The following PCSK2 variants were observed in gnomAD, a reference collection of about 807,000 sequenced individuals.
PCSK2 encodes the protein proprotein convertase subtilisin/kexin type 2.
In PCSK2, 14 loss-of-function variants were observed where a neutral mutation model predicts 69.7. The ratio of observed to expected loss-of-function variants is 0.20; its 90% CI spans 0.13 to 0.31. The LOEUF is 0.31. Among genes scored for constraint, PCSK2 ranks in the 10% least tolerant of loss-of-function variants. The pLI, the probability that PCSK2 is intolerant of heterozygous loss-of-function variation, is 1.00. For missense variants in PCSK2, 544 were observed against 842.5 expected, an observed-to-expected ratio of 0.65 and a Z score of 4.39; for synonymous variants, 307 against 320.7, an observed-to-expected ratio of 0.96 and a Z score of 0.46.
At chr20:17,237,290 G>C (rs2122944724) in intron 1 of PCSK2, among the ~76,000 whole-genome samples, 1 of 152,298 alleles carries the variant, frequency 6.6e-6, no homozygotes, top group South Asian at 2.1e-4. Flanking sequence ...AAGTAAAAAG[G>C]AGATGAAGGT....
At chr20:17,262,477 A>G (rs1344864245) in intron 2 of PCSK2, among the ~76,000 whole-genome samples, 1 of 151,900 alleles carries the variant, frequency 6.6e-6, no homozygotes, top group Non-Finnish European at 1.5e-5. Context: ...GAAAAAAAAA[A>G]CTGCTAATGA....
chr20:17,227,347 G>C lies in PCSK2; in HGVS notation c.42G>C (p.Gly14=), dbSNP rs1252949655. 1 of 1,614,064 alleles carries C rather than the reference G, an allele frequency of 6.2e-7. No homozygotes were observed. The change falls in exon 1 of 12, where the codon GGG becomes GGC. Residue 14 remains glycine, a synonymous_variant. Coordinates refer to ENST00000262545, the MANE Select transcript of PCSK2 (RefSeq NM_002594.5). The stretch of plus-strand genomic sequence containing the variant: ...TCTCCCAGTGGAAGGCGGCCGCCGG[G>C]TTCCTCTTCTGTGTCATGGTTTTTG... ...GCVSQWKAAA[G]FLFCVMVFAS... is the part of the protein sequence containing the mutation.
chr20:17,294,937 T>G (rs1043684560), intron 2 of PCSK2, among the ~76,000 whole-genome samples: 1 of 152,158 alleles, frequency 6.6e-6, no homozygotes, highest in Non-Finnish European at 1.5e-5. Flanking sequence ...TTCCTTTACT[T>G]CTTTCTCTTT....
At chr20:17,286,292 T>A (rs979605135) in intron 2 of PCSK2, among the ~76,000 whole-genome samples, 2 of 152,150 alleles carry the variant, frequency 1.3e-5, no homozygotes, top group Non-Finnish European at 2.9e-5. Context: ...AGAATCAACA[T>A]AATAGTGTAT....
chr20:17,312,112 A>G (rs1300865677), intron 2 of PCSK2, among the ~76,000 whole-genome samples: 2 of 152,260 alleles, frequency 1.3e-5, no homozygotes, highest in African/African-American at 4.8e-5. Context: ...TTTACAAAGC[A>G]GATGACATTG....
intron 2 of PCSK2, among the ~76,000 whole-genome samples, chr20:17,357,783 A>C (rs1478737434): frequency 6.6e-6 from 1 of 151,854 alleles, no homozygotes; most frequent in Non-Finnish European, 1.5e-5. Context: ...AATCCCAGCT[A>C]CTCAGGAGCC....
intron 1 of PCSK2, among the ~76,000 whole-genome samples, chr20:17,259,323 T>C (rs1356561407): frequency 6.6e-6 from 1 of 152,208 alleles, no homozygotes; most frequent in Non-Finnish European, 1.5e-5. Context: ...TTAAATTAAT[T>C]AATCAGGTTA....
At chr20:17,469,748 G>A (rs1291545736) in intron 11 of PCSK2, among the ~76,000 whole-genome samples, 3 of 152,084 alleles carry the variant, frequency 2.0e-5, no homozygotes, top group Non-Finnish European at 4.4e-5. Flanking sequence ...CAGGAGGTTG[G>A]GAAAGGTCAA....
intron 2 of PCSK2, among the ~76,000 whole-genome samples, chr20:17,355,010 C>T (rs1300710584): frequency 6.6e-6 from 1 of 152,176 alleles, no homozygotes; most frequent in African/African-American, 2.4e-5. Flanking sequence ...AACTGACAGA[C>T]TCAGAAAGCC....
intron 2 of PCSK2, among the ~76,000 whole-genome samples, chr20:17,267,916 G>C (rs985094594): frequency 6.6e-6 from 1 of 151,632 alleles, no homozygotes; most frequent in Admixed American, 6.6e-5. Context: ...AAACCTTTAG[G>C]ACTTCCTGGG....
intron 8 of PCSK2, among the ~76,000 whole-genome samples, chr20:17,449,685 G>A (rs1260384150): frequency 1.3e-5 from 2 of 151,614 alleles, no homozygotes; most frequent in Non-Finnish European, 2.9e-5. Flanking sequence ...GCACCACCAC[G>A]CTCAGCTAAT....
intron 5 of PCSK2, among the ~76,000 whole-genome samples, chr20:17,373,866 T>A (rs1419830603): frequency 3.3e-5 from 5 of 152,238 alleles, no homozygotes; most frequent in African/African-American, 1.2e-4. Context: ...ACACTGAGCC[T>A]GCTGAGTGTT....
chr20:17,227,530 G>A lies in PCSK2; in HGVS notation c.177+48G>A, dbSNP rs138306807. The A allele has an allele frequency of 6.8e-5, 100 of 1,474,762 alleles. No homozygotes were observed. The African/African-American group carries it at 1.3e-3, about 20-fold the overall frequency. The allele number at this position is 1,474,762 out of a possible 1,614,324, so 91.4% of individuals were successfully genotyped here. On this transcript the variant is annotated intron_variant, in intron 1 of 11. Coordinates refer to ENST00000262545, the MANE Select transcript of PCSK2 (RefSeq NM_002594.5). ...CATGTTGTTTCAAAACGGGGGGACG[G>A]GGGGGCAGCCCTGCGCAATCTCATT...
At chr20:17,399,505 G>A (rs1048852115) in intron 5 of PCSK2, among the ~76,000 whole-genome samples, 11 of 152,146 alleles carry the variant, frequency 7.2e-5, no homozygotes, top group African/African-American at 2.4e-4. Context: ...TAAATGCAAC[G>A]TAAGCAACTG....
intron 9 of PCSK2, 99 bp downstream of exon 9, chr20:17,454,056 C>T: frequency 6.6e-7 from 1 of 1,513,496 alleles, no homozygotes; most frequent in Non-Finnish European, 8.9e-7. Context: ...CCTGTCCCCT[C>T]CCTCAGAGCC....
chr20:17,480,309 C>T (rs1488830925), intron 11 of PCSK2, among the ~76,000 whole-genome samples: 4 of 151,332 alleles, frequency 2.6e-5, no homozygotes, highest in Non-Finnish European at 4.4e-5. Context: ...CCCGCCTCAG[C>T]CTCCCAAGTA....
chr20:17,251,518 C>G lies in PCSK2; in HGVS notation c.178-8722C>G, dbSNP rs143204098. 2.6e-3 allele frequency among the ~76,000 whole-genome samples: 397 copies of G among 152,330 alleles called. 1 individual carries two copies. Among genetic ancestry groups the G allele is most frequent in the African/African-American group, 8.6e-3 (357 of 41,578 alleles). On this transcript the variant is annotated intron_variant, in intron 1 of 11. Coordinates refer to ENST00000262545, the MANE Select transcript of PCSK2 (RefSeq NM_002594.5). ...TGCTGATCTGAGTCCAGGCCTGTCCCCCTGTGCCAGGGATGTCCCTTGAGA... is the reference window on the plus strand; with the variant it reads ...TGCTGATCTGAGTCCAGGCCTGTCCGCCTGTGCCAGGGATGTCCCTTGAGA...
chr20:17,286,451 A>G (rs1436586969), intron 2 of PCSK2, among the ~76,000 whole-genome samples: 1 of 151,752 alleles, frequency 6.6e-6, no homozygotes, highest in Non-Finnish European at 1.5e-5. Context: ...CTCTCTGCAC[A>G]GGATCGTTTT....
rs141339724 is a variant in PCSK2 at position 17,234,473 on chromosome 20, G to A, written c.177+6991G>A. 2.1e-3 allele frequency among the ~76,000 whole-genome samples: 317 copies of A among 152,258 alleles called. 1 individual carries two copies. Among genetic ancestry groups the A allele is most frequent in the Non-Finnish European group, 3.9e-3 (266 of 67,998 alleles). On this transcript the variant is annotated intron_variant, in intron 1 of 11. Transcript: ENST00000262545. ...TGTAGAATCCATTTCTCTATAGGCA[G>A]CCATTCAGCTAGGAAATAGAATTAA...
Sources: allele counts gnomAD v4.1 joint callset (sites outside exome capture counted in the v4.1 genomes callset), GRCh38; gene constraint gnomAD v4.1.1; transcripts MANE v1.5; gene names NCBI Gene and HGNC (gene_info 2026-07-23, HGNC 2026-07-21).